The following FSIP1 variants were observed in gnomAD, a reference collection of about 807,000 sequenced individuals.
The protein encoded by FSIP1 is fibrous sheath-interacting protein 1.
A neutral mutation model predicts 60.9 loss-of-function variants in FSIP1; 65 were observed. That is an observed-to-expected ratio of 1.07 (90% CI 0.87 to 1.31). FSIP1 has a LOEUF of 1.31. FSIP1 is among the 40% of genes most tolerant of loss of function. FSIP1 has a pLI of 0.00. For synonymous variants in FSIP1, 209 were observed against 221.2 expected, an observed-to-expected ratio of 0.94 and a Z score of 0.49; for missense variants, 675 against 665.5, an observed-to-expected ratio of 1.01 and a Z score of -0.16.
intron 5 of FSIP1, among the ~76,000 whole-genome samples, chr15:39,759,063 T>C (rs1296284732): frequency 6.6e-6 from 1 of 152,040 alleles, no homozygotes; most frequent in Non-Finnish European, 1.5e-5. Context: ...TTTCATTAAA[T>C]TATAACTGAT....
chr15:39,748,303 T>C (rs995315361), intron 5 of FSIP1, among the ~76,000 whole-genome samples: 6 of 152,164 alleles, frequency 3.9e-5, no homozygotes, highest in African/African-American at 7.2e-5. Flanking sequence ...GCAAATCAAA[T>C]AGACAAGTAA....
intron 11 of FSIP1, among the ~76,000 whole-genome samples, chr15:39,616,856 G>C (rs1352669439): frequency 6.6e-6 from 1 of 152,172 alleles, no homozygotes; most frequent in Non-Finnish European, 1.5e-5. Context: ...TATGGCATTG[G>C]TCCAGTTGAA....
rs549904334 is a variant in FSIP1 at position 39,614,042 on chromosome 15, C to A, written c.1699+3693G>T. ...TTTTCCACAAGGATGCCCACTCTCACCACTTTTTTTCAACATAGTACTTAA... is the reference window on the plus strand; with the variant it reads ...TTTTCCACAAGGATGCCCACTCTCAACACTTTTTTTCAACATAGTACTTAA... On this transcript the variant is annotated intron_variant, in intron 11 of 11. Coordinates refer to ENST00000350221, the MANE Select transcript of FSIP1 (RefSeq NM_152597.5). Among the ~76,000 whole-genome samples the A allele has an allele frequency of 2.7e-3, 416 of 152,196 alleles. 3 individuals are homozygous for A. Among genetic ancestry groups the A allele is most frequent in the South Asian group, 0.02 (95 of 4,822 alleles).
chr15:39,721,698 T>C (rs750742798), intron 9 of FSIP1, among the ~76,000 whole-genome samples: 14 of 152,184 alleles, frequency 9.2e-5, no homozygotes, highest in Non-Finnish European at 1.6e-4. Context: ...TGCCATACAA[T>C]ATAGAGTGGT....
chr15:39,633,091 C>CG (rs1329095029), intron 10 of FSIP1, among the ~76,000 whole-genome samples: 14 of 112,870 alleles, frequency 1.2e-4, no homozygotes, highest in African/African-American at 5.2e-4. Context: ...GGCTATACTT[C>CG]TTTTTTTTTT....
intron 8 of FSIP1, among the ~76,000 whole-genome samples, chr15:39,732,422 C>A (rs1031721610): frequency 3.3e-5 from 5 of 152,124 alleles, no homozygotes; most frequent in African/African-American, 1.2e-4. Context: ...GAGTTCGAGA[C>A]CAGCCTGGCC....
intron 9 of FSIP1, among the ~76,000 whole-genome samples, chr15:39,725,480 T>C (rs1305591646): frequency 1.3e-5 from 2 of 152,210 alleles, no homozygotes; most frequent in Admixed American, 6.5e-5. Flanking sequence ...TCAACTGGCA[T>C]GAAGCTAGAT....
intron 4 of FSIP1, among the ~76,000 whole-genome samples, chr15:39,765,335 G>A (rs1213821053): frequency 1.3e-5 from 2 of 150,388 alleles, no homozygotes; most frequent in East Asian, 1.9e-4. Context: ...TGAACTCCTG[G>A]GCTCAAGGGA....
intron 5 of FSIP1, among the ~76,000 whole-genome samples, chr15:39,753,607 T>G (rs1037756752): frequency 6.6e-6 from 1 of 152,104 alleles, no homozygotes; most frequent in Non-Finnish European, 1.5e-5. Flanking sequence ...ACATTAAATA[T>G]GTTGGACATG....
intron 10 of FSIP1, among the ~76,000 whole-genome samples, chr15:39,657,368 C>T (rs181322712): frequency 1.8e-4 from 27 of 152,292 alleles, no homozygotes; most frequent in African/African-American, 6.5e-4. Flanking sequence ...ACTGACTTCA[C>T]ACACATCATA....
At chr15:39,642,709 GT>G (rs1181788371) in intron 10 of FSIP1, among the ~76,000 whole-genome samples, 3 of 152,134 alleles carry the variant, frequency 2.0e-5, no homozygotes, top group African/African-American at 2.4e-5. Context: ...AACTTTCAAA[GT>G]TTTTTTGTTT....
intron 10 of FSIP1, among the ~76,000 whole-genome samples, chr15:39,672,761 T>C (rs1304219686): frequency 6.6e-6 from 1 of 152,118 alleles, no homozygotes; most frequent in Non-Finnish European, 1.5e-5. Flanking sequence ...AGAGCCAAAA[T>C]TAGAATCTAA....
At chr15:39,668,516 T>G (rs1226801421) in intron 10 of FSIP1, among the ~76,000 whole-genome samples, 1 of 152,266 alleles carries the variant, frequency 6.6e-6, no homozygotes, top group Non-Finnish European at 1.5e-5. Flanking sequence ...TGACTTCTTT[T>G]GGGTATTTAA....
At chr15:39,742,006 T>C (rs1896820978) in intron 5 of FSIP1, 106 bp from the exon 6 acceptor site, 3 of 629,690 alleles carry the variant, frequency 4.8e-6, no homozygotes, top group Non-Finnish European at 8.5e-6. Flanking sequence ...CCAGTGTTCC[T>C]CAGTCCCCTC....
intron 10 of FSIP1, among the ~76,000 whole-genome samples, chr15:39,646,806 A>G (rs945920751): frequency 6.6e-6 from 1 of 152,194 alleles, no homozygotes; most frequent in Non-Finnish European, 1.5e-5. Context: ...AATAGTCAAG[A>G]TACTGAAACA....
intron 10 of FSIP1, among the ~76,000 whole-genome samples, chr15:39,639,647 C>G (rs939470556): frequency 8.5e-5 from 13 of 152,256 alleles, no homozygotes; most frequent in Admixed American, 8.5e-4. Flanking sequence ...TCTTTGGATT[C>G]TACCATAAAG....
intron 10 of FSIP1, among the ~76,000 whole-genome samples, chr15:39,654,204 G>A (rs945955916): frequency 5.9e-5 from 9 of 152,182 alleles, no homozygotes; most frequent in Non-Finnish European, 1.3e-4. Context: ...TAAAAGTATA[G>A]TATAGGAAAT....
At chr15:39,715,930 G>A (rs928953356) in intron 9 of FSIP1, among the ~76,000 whole-genome samples, 4 of 152,236 alleles carry the variant, frequency 2.6e-5, no homozygotes, top group Non-Finnish European at 2.9e-5. Flanking sequence ...TGCCATGATT[G>A]TAAGTTTCCT....
chr15:39,720,768 G>T (rs956211415), intron 9 of FSIP1, among the ~76,000 whole-genome samples: 1 of 152,138 alleles, frequency 6.6e-6, no homozygotes, highest in Non-Finnish European at 1.5e-5. Context: ...TTTACAATAC[G>T]TGGAAAGAAC....
Sources: gnomAD v4.1 joint callset for allele counts (sites outside exome capture counted in the v4.1 genomes callset) on GRCh38, gnomAD v4.1.1 for gene constraint, MANE v1.5 for transcripts, NCBI Gene and HGNC (gene_info 2026-07-23, HGNC 2026-07-21) for gene names.